Variants in SRGAP3 observed in about 807,000 individuals in gnomAD.
The protein encoded by SRGAP3 is SLIT-ROBO Rho GTPase-activating protein 3.
A neutral mutation model predicts 121.1 loss-of-function variants in SRGAP3; 39 were observed. The observed-to-expected ratio is 0.32, with a 90% CI of 0.25 to 0.42. The LOEUF (loss-of-function observed/expected upper bound fraction) is 0.42, where lower values mean the gene tolerates loss of function less well. SRGAP3 is among the 10% of genes least tolerant of loss of function. The pLI, the probability that SRGAP3 is intolerant of heterozygous loss-of-function variation, is 1.00. For missense variants in SRGAP3, 1,213 were observed against 1,470.6 expected (o/e 0.82, Z 2.86); for synonymous variants, 601 against 570.0 (o/e 1.05, Z -0.77).
intron 1 of SRGAP3, among the ~76,000 whole-genome samples, chr3:9,171,680 A>G (rs1950979916): frequency 6.6e-6 from 1 of 152,160 alleles, no homozygotes; most frequent in African/African-American, 2.4e-5. Context: ...TGTGTGCCCA[A>G]ACTAAATATG....
At chr3:9,347,206 C>A (rs1955906881) in intron 1 of SRGAP3, among the ~76,000 whole-genome samples, 1 of 152,112 alleles carries the variant, frequency 6.6e-6, no homozygotes, top group African/African-American at 2.4e-5. Flanking sequence ...TGCTCTGCTG[C>A]CCAGGCAGGA....
intron 2 of SRGAP3, among the ~76,000 whole-genome samples, chr3:9,118,253 C>T (rs1948875181): frequency 6.6e-6 from 1 of 152,196 alleles, no homozygotes; most frequent in African/African-American, 2.4e-5. Flanking sequence ...CCTCCTTCTC[C>T]TCCTCCTCTT....
intron 1 of SRGAP3, among the ~76,000 whole-genome samples, chr3:9,246,534 C>T (rs542536494): frequency 5.3e-5 from 8 of 152,308 alleles, no homozygotes; most frequent in Non-Finnish European, 8.8e-5. Context: ...GAAAATCGGC[C>T]TTGTGACCTT....
intron 1 of SRGAP3, among the ~76,000 whole-genome samples, chr3:9,207,226 G>A (rs1952295765): frequency 6.6e-6 from 1 of 152,202 alleles, no homozygotes; most frequent in African/African-American, 2.4e-5. Flanking sequence ...AAGAACAGGA[G>A]CTGTAACCAA....
Position 9,025,256 on chromosome 3 carries a change from C to T in SRGAP3, c.1678+5G>A. 1 of 1,614,110 alleles carries T rather than the reference C, an allele frequency of 6.2e-7. No homozygotes were observed. ...ACAAGCCTAAGATGGTCGCTCTGCA[C>T]CCACCTCTCTCAAAGGAATTTTTGA... is the stretch of plus-strand genomic sequence containing the variant. On this transcript the variant is annotated splice_donor_5th_base_variant and intron_variant, in intron 14 of 21. Coordinates refer to ENST00000383836, the MANE Select transcript of SRGAP3 (RefSeq NM_014850.4).
intron 1 of SRGAP3, among the ~76,000 whole-genome samples, chr3:9,163,477 C>T (rs1276226646): frequency 6.6e-6 from 1 of 152,212 alleles, no homozygotes; most frequent in Non-Finnish European, 1.5e-5. Flanking sequence ...AATGTGGCTG[C>T]CCCTTGGCCT....
intron 3 of SRGAP3, among the ~76,000 whole-genome samples, chr3:9,286,226 G>A (rs372946342): frequency 1.2e-4 from 18 of 150,806 alleles, no homozygotes; most frequent in African/African-American, 3.2e-4. Context: ...ATAATGAATA[G>A]ATCTGTATAC....
chr3:9,338,495 G>C (rs1442670217), intron 1 of SRGAP3, among the ~76,000 whole-genome samples: 1 of 152,162 alleles, frequency 6.6e-6, no homozygotes, highest in Non-Finnish European at 1.5e-5. Flanking sequence ...GAAATCACCA[G>C]CATTGGGATG....
chr3:9,148,630 G>T (rs188166362), intron 1 of SRGAP3, among the ~76,000 whole-genome samples: 10 of 152,272 alleles, frequency 6.6e-5, no homozygotes, highest in Non-Finnish European at 1.5e-4. Flanking sequence ...ACCCCACGGG[G>T]CCTCCAATTT....
intron 18 of SRGAP3, among the ~76,000 whole-genome samples, chr3:9,004,553 T>A (rs996249829): frequency 4.6e-5 from 7 of 152,182 alleles, no homozygotes; most frequent in African/African-American, 1.4e-4. Context: ...GACAGTATAG[T>A]ACCAACACAG....
chr3:9,080,522 C>A (rs1947189624), intron 3 of SRGAP3, among the ~76,000 whole-genome samples: 1 of 152,184 alleles, frequency 6.6e-6, no homozygotes, highest in African/African-American at 2.4e-5. Flanking sequence ...GATTTGGCAT[C>A]CCAATTCCTC....
chr3:9,201,496 A>G (rs1386260291), intron 1 of SRGAP3, among the ~76,000 whole-genome samples: 1 of 152,252 alleles, frequency 6.6e-6, no homozygotes, highest in Non-Finnish European at 1.5e-5. Context: ...AGAGGCAAGG[A>G]GCGTCCCCGC....
intron 3 of SRGAP3, among the ~76,000 whole-genome samples, chr3:9,274,440 G>A (rs968170914): frequency 6.6e-6 from 1 of 152,166 alleles, no homozygotes; most frequent in African/African-American, 2.4e-5. Context: ...AGGAGCCAGG[G>A]CGAGTACTTT....
chr3:9,216,948 A>T (rs923472146), intron 1 of SRGAP3: 2 of 152,086 alleles, frequency 1.3e-5, no homozygotes, highest in South Asian at 4.2e-4. Flanking sequence ...CTCACACGAG[A>T]TGCCTAGAGG....
rs193087730 is a variant in SRGAP3, at chr3:9,276,933, C to T, written n.442+49077G>A. ...CCTGCGCTCAGCACTGAGCTAGGTG[C>T]GTCACAATGCTGTGATTCAGAGCTC... On this transcript the variant is annotated intron_variant and non_coding_transcript_variant, in intron 3 of 3. Transcript: ENST00000490889. 2.6e-3 allele frequency among the ~76,000 whole-genome samples: 395 copies of T among 152,348 alleles called. 2 individuals carry two copies. Among genetic ancestry groups the T allele is most frequent in the Non-Finnish European group, 8.8e-4 (60 of 68,028 alleles).
intron 1 of SRGAP3, among the ~76,000 whole-genome samples, chr3:9,233,464 G>C (rs949512201): frequency 1.3e-5 from 2 of 152,246 alleles, no homozygotes; most frequent in South Asian, 2.1e-4. Context: ...CTCATCCCAC[G>C]ATGGTATTTA....
chr3:9,080,756 A>G (rs1460114439), intron 3 of SRGAP3, among the ~76,000 whole-genome samples: 1 of 152,106 alleles, frequency 6.6e-6, no homozygotes, highest in East Asian at 1.9e-4. Context: ...TGAACTGCGC[A>G]TGTGGGGGAT....
At chr3:9,076,209 C>G (rs908552759) in intron 4 of SRGAP3, among the ~76,000 whole-genome samples, 4 of 152,096 alleles carry the variant, frequency 2.6e-5, no homozygotes, top group Non-Finnish European at 4.4e-5. Flanking sequence ...CACAGAATCA[C>G]GAGCACAGAA....
At chr3:9,148,314 CAGA>C (rs1180670334) in intron 1 of SRGAP3, among the ~76,000 whole-genome samples, 1 of 152,172 alleles carries the variant, frequency 6.6e-6, no homozygotes, top group East Asian at 1.9e-4. Flanking sequence ...AGAAAACAAG[CAGA>C]GGAATGTGTG....
Sources: allele counts gnomAD v4.1 joint callset (sites outside exome capture counted in the v4.1 genomes callset), GRCh38; gene constraint gnomAD v4.1.1; transcripts MANE v1.5; gene names NCBI Gene and HGNC (gene_info 2026-07-23, HGNC 2026-07-21).